CENPF: variants seen among roughly 807,000 people sequenced by gnomAD.
CENPF encodes centromere protein F.
Under a neutral mutation model 307.3 loss-of-function variants are expected in CENPF, and 214 were observed. The ratio of observed to expected loss-of-function variants is 0.70; its 90% CI spans 0.62 to 0.78. CENPF has a LOEUF of 0.78. Among genes scored for constraint, CENPF ranks in the 30% least tolerant of loss-of-function variants. CENPF has a pLI of 0.00. For missense variants in CENPF, 3,401 were observed against 3,483.9 expected (o/e 0.98, Z 0.60); for synonymous variants, 1,259 against 1,270.6 (o/e 0.99, Z 0.19).
chr1:214,611,310 G>A (rs902584086), intron 1 of CENPF, among the ~76,000 whole-genome samples: 2 of 152,086 alleles, frequency 1.3e-5, no homozygotes, highest in African/African-American at 4.8e-5. Flanking sequence ...TCATATTCAT[G>A]AGCATGGGAT....
At position 214,663,770 on chromosome 1, in the gene CENPF, C is replaced by T. The variant is rs781617402; in HGVS notation, c.9321C>T (p.Gly3107=). ...CCAAAGCTGGACTGGAGTCCAACGGCAGTGAGAACTGTAAGGTCCAGTGAA... is the reference window on the plus strand; with the variant it reads ...CCAAAGCTGGACTGGAGTCCAACGGTAGTGAGAACTGTAAGGTCCAGTGAA... The part of the protein sequence containing the change: ...PSPKAGLESN[G]SENCKVQ Residue 3107 remains glycine (G), a synonymous_variant, in exon 20 of 20, where the codon GGC becomes GGT. Transcript: ENST00000366955. 1.2e-6 allele frequency: 2 copies of T among 1,613,872 alleles called. No homozygotes were observed. The highest frequency in any genetic ancestry group is 1.7e-6 in the Non-Finnish European group (2 of 1,180,004).
At position 214,659,477 on chromosome 1, in the gene CENPF, T is replaced by C. The variant is rs1018608226; in HGVS notation, c.9141+449T>C. Among the ~76,000 whole-genome samples, 2 of 152,060 alleles carry C rather than the reference T, an allele frequency of 1.3e-5. No individual in the cohort carries two copies. The highest frequency in any genetic ancestry group is 2.9e-5 in the Non-Finnish European group (2 of 68,018). On this transcript the variant is annotated intron_variant, in intron 19 of 19. Coordinates refer to ENST00000366955, the MANE Select transcript of CENPF (RefSeq NM_016343.4). The surrounding 1 kb of genome is among the most constrained non-coding windows in gnomAD (Gnocchi z 4.4). Reference sequence around the variant, plus strand: ...AAAAAAAAGCACATATTTCAATAGATATCTAAGGAAAGGAACTCTGTTTAT... The same window carrying C: ...AAAAAAAAGCACATATTTCAATAGACATCTAAGGAAAGGAACTCTGTTTAT...
intron 16 of CENPF, among the ~76,000 whole-genome samples, chr1:214,654,627 G>T (rs1486582183): frequency 1.3e-5 from 2 of 151,788 alleles, no homozygotes; most frequent in Non-Finnish European, 2.9e-5. Flanking sequence ...CTTCAGGTTG[G>T]GTTTTGCCTC....
At chr1:214,653,292 G>A (rs1658539883) in intron 16 of CENPF, among the ~76,000 whole-genome samples, 1 of 152,198 alleles carries the variant, frequency 6.6e-6, no homozygotes, top group South Asian at 2.1e-4. Flanking sequence ...GGCCTCTTAA[G>A]CTATAGAAAA....
intron 10 of CENPF, among the ~76,000 whole-genome samples, chr1:214,634,412 T>C (rs1657900908): frequency 6.6e-6 from 1 of 152,158 alleles, no homozygotes; most frequent in African/African-American, 2.4e-5. Flanking sequence ...GTAGTGGCTT[T>C]AGAGTGAGTG....
In CENPF at chr1:214,652,972, GA is replaced by G. The variant is rs1658530052; in HGVS notation, c.8307del (p.Glu2769AspfsTer2). On this transcript the variant is annotated frameshift_variant, in exon 16 of 20. Coordinates refer to ENST00000366955, the MANE Select transcript of CENPF (RefSeq NM_016343.4). LOFTEE classifies it high-confidence loss of function. Reference protein sequence around the residue: ...SLKATTQILEELKKTKMDNLK... With the variant: ...SLKATTQILEXLKKTKMDNLK... ...GAAAGCTACTACTCAGATTTTGGAA[GA>G]ATTGAAGAAAACCAAGGTATGTTCA... is the stretch of plus-strand genomic sequence containing the variant. 1 of 1,604,228 alleles carries G rather than the reference GA, an allele frequency of 6.2e-7. No individual in the cohort carries two copies. Among genetic ancestry groups the G allele is most frequent in the Non-Finnish European group, 8.5e-7 (1 of 1,177,062 alleles).
At chr1:214,605,728 G>A (rs1657007720) in intron 1 of CENPF, 1 of 1,594,044 alleles carries the variant, frequency 6.3e-7, no homozygotes. Context: ...GGCCCTCCAG[G>A]TACTGGCTGT....
rs113828543 is a variant in CENPF, at chr1:214,627,519, G to T, written c.1069-1527G>T. On this transcript the variant is annotated intron_variant, in intron 7 of 19. Transcript: ENST00000366955. The stretch of plus-strand genomic sequence containing the variant: ...CTCCTGGGTAGCTGGGATTACAGGC[G>T]CATGCCACCATGCCCAGCTAATTTT... Among the ~76,000 whole-genome samples, 522 of 151,886 alleles carry T rather than the reference G, an allele frequency of 3.4e-3. 2 individuals are homozygous for T. Among genetic ancestry groups the T allele is most frequent in the Non-Finnish European group, 6.0e-3 (409 of 67,926 alleles).
rs776153893 is a variant in CENPF, at chr1:214,642,435, G to A, written c.4097G>A (p.Gly1366Glu). Residue 1366 changes from glycine to glutamate, a missense_variant, in exon 12 of 20, where the codon GGA becomes GAA. By Grantham distance (98) the Gly-to-Glu change is moderately conservative. Transcript: ENST00000366955. The stretch of plus-strand genomic sequence containing the variant: ...GGTGAGTTAGTGGAAGACATACCAG[G>A]AGGTGAATTTGGTGAACAACCAAAT... ...LHGELVEDIPGGEFGEQPNEQ... is the reference protein window; with the variant it reads ...LHGELVEDIPEGEFGEQPNEQ... The A allele has an allele frequency of 6.3e-7, 1 of 1,596,380 alleles. No individual in the cohort carries two copies. The highest frequency in any genetic ancestry group is 8.5e-7 in the Non-Finnish European group (1 of 1,171,574).
intron 3 of CENPF, 67 bp from the exon 4 acceptor site, chr1:214,618,506 A>G: frequency 1.9e-6 from 3 of 1,554,590 alleles, no homozygotes; most frequent in Non-Finnish European, 2.6e-6. Context: ...CTGGGAATGT[A>G]AGGCATTGAT....
chr1:214,642,999 C>A lies in CENPF; in HGVS notation c.4661C>A (p.Ser1554Tyr). 1 of 1,609,762 alleles carries A rather than the reference C, an allele frequency of 6.2e-7. No individual in the cohort carries two copies. The highest frequency in any genetic ancestry group is 1.1e-5 in the South Asian group (1 of 90,664). Reference protein sequence around the residue: ...APAKGVEELESLCEVYRQSLE... With the variant: ...APAKGVEELEYLCEVYRQSLE... ...GCGAAGGGTGTTGAAGAGCTTGAGT[C>A]CCTCTGTGAGGTGTACCGGCAGTCC... is the stretch of plus-strand genomic sequence containing the variant. Residue 1554 changes from serine to tyrosine, a missense_variant, in exon 12 of 20, where the codon TCC (serine) becomes TAC (tyrosine). Coordinates refer to ENST00000366955, the MANE Select transcript of CENPF (RefSeq NM_016343.4).
At chr1:214,618,535 T>C (rs757773400) in intron 3 of CENPF, 38 bp from the exon 4 acceptor site, 2 of 1,610,086 alleles carry the variant, frequency 1.2e-6, no homozygotes, top group African/African-American at 2.7e-5. Flanking sequence ...GCCTTTGCTC[T>C]AACTGATTTG....
At chr1:214,632,658 G>A (rs1657841421) in intron 10 of CENPF, 56 bp downstream of exon 10, 1 of 1,594,974 alleles carries the variant, frequency 6.3e-7, no homozygotes, top group African/African-American at 1.3e-5. Context: ...AGTGCAAGGG[G>A]AAAAGAATAT....
intron 3 of CENPF, among the ~76,000 whole-genome samples, chr1:214,616,853 CTTTCTTTCTTTCT>C (rs1657358586): frequency 7.3e-5 from 1 of 13,656 alleles, no homozygotes; most frequent in African/African-American, 2.2e-4. Context: ...TTCTTTCTTT[CTTTCTTTCTTTCT>C]TTCTTTCTTT....
At position 214,651,855 on chromosome 1, in the gene CENPF, A is replaced by G. The variant is rs758908920; in HGVS notation, c.8129A>G (p.His2710Arg). Residue 2710 changes from histidine (H) to arginine (R), a missense_variant, in exon 15 of 20, where the codon CAC (histidine) becomes CGC (arginine). By Grantham distance (29) the His-to-Arg change is conservative (BLOSUM62 0). Transcript: ENST00000366955. The stretch of plus-strand genomic sequence containing the variant: ...CGGCTTCATGAAGCTGAAAAGAAAC[A>G]CCAGGCTTTGCTTTTGGACACAAAC... Reference protein sequence around the residue: ...QLRLHEAEKKHQALLLDTNKQ... With the variant: ...QLRLHEAEKKRQALLLDTNKQ... 6.2e-7 allele frequency: 1 copy of G among 1,608,686 alleles called. No homozygotes were observed. Among genetic ancestry groups the G allele is most frequent in the Admixed American group, 1.7e-5 (1 of 58,752 alleles).
chr1:214,616,058 C>T (rs115363368), intron 3 of CENPF, among the ~76,000 whole-genome samples: 2,998 of 152,142 alleles, frequency 0.02, 43 homozygotes, highest in African/African-American at 0.041. Flanking sequence ...TGGAAGGTCT[C>T]CAACAAGTGA....
intron 14 of CENPF, among the ~76,000 whole-genome samples, chr1:214,650,195 G>C (rs1414940166): frequency 6.6e-6 from 1 of 152,172 alleles, no homozygotes; most frequent in East Asian, 1.9e-4. Flanking sequence ...GCAACGACCA[G>C]GCAGTGGTGG....
intron 16 of CENPF, chr1:214,653,900 C>T (rs927145351): frequency 1.3e-5 from 2 of 152,052 alleles, no homozygotes; most frequent in African/African-American, 2.4e-5. Flanking sequence ...TTAAATGGGT[C>T]TTGAATTCAT....
chr1:214,636,924 AG>A (rs942938855), intron 10 of CENPF, among the ~76,000 whole-genome samples: 2 of 152,202 alleles, frequency 1.3e-5, no homozygotes, highest in African/African-American at 4.8e-5. Context: ...CATACAGTAT[AG>A]GTTGAGATAC....
Sources: gnomAD v4.1 joint callset for allele counts (sites outside exome capture counted in the v4.1 genomes callset) on GRCh38, gnomAD v4.1.1 for gene constraint, Gnocchi (gnomAD v3.1) non-coding constraint, MANE v1.5 for transcripts, NCBI Gene and HGNC (gene_info 2026-07-23, HGNC 2026-07-21) for gene names.